Variants in LMF1 observed in about 807,000 individuals in gnomAD.
The protein encoded by LMF1 is transmembrane protein 112.
In LMF1, 68 loss-of-function variants were observed where a neutral mutation model predicts 60.6. That is an observed-to-expected ratio of 1.12 (90% CI 0.92 to 1.37). The LOEUF is 1.37. Ranked by LOEUF, LMF1 falls within the 40% of genes most tolerant of loss-of-function variation. The probability of loss-of-function intolerance (pLI) is 0.00; values close to 1 mark genes in which losing one functional copy is unlikely to be tolerated. For missense variants in LMF1, 948 were observed against 767.2 expected, an observed-to-expected ratio of 1.24 and a Z score of -2.78; for synonymous variants, 418 against 324.7, an observed-to-expected ratio of 1.29 and a Z score of -3.09.
At chr16:931,616 C>G in intron 3 of LMF1, 3 of 1,283,868 alleles carry the variant, frequency 2.3e-6, no homozygotes, top group Non-Finnish European at 3.0e-6. Flanking sequence ...TCTAGGTGTT[C>G]TGAGGCCCAG....
At chr16:921,820 C>T (rs892014567) in intron 3 of LMF1, among the ~76,000 whole-genome samples, 2 of 152,106 alleles carry the variant, frequency 1.3e-5, no homozygotes, top group Admixed American at 6.5e-5. Flanking sequence ...AGGCGGTCCC[C>T]GTGCGGGTTT....
intron 4 of LMF1, among the ~76,000 whole-genome samples, chr16:894,788 C>T (rs962086543): frequency 2.6e-5 from 4 of 152,240 alleles, no homozygotes; most frequent in African/African-American, 4.8e-5. Flanking sequence ...CGCCTCCCAT[C>T]AGCGAGTGCT....
At chr16:920,679 C>T (rs570467912) in intron 3 of LMF1, among the ~76,000 whole-genome samples, 1 of 152,284 alleles carries the variant, frequency 6.6e-6, no homozygotes, top group East Asian at 1.9e-4. Flanking sequence ...TGGGGCAACC[C>T]CCCCAAATAT....
intron 10 of LMF1, among the ~76,000 whole-genome samples, 169 bp downstream of exon 10, chr16:868,775 G>GC (rs1480978735): frequency 6.8e-6 from 1 of 146,284 alleles, no homozygotes; most frequent in African/African-American, 2.6e-5. Context: ...CTGATGTGGG[G>GC]CGGGGGGGGG....
At chr16:952,797 CTACA>C (rs1458266662) in intron 2 of LMF1, among the ~76,000 whole-genome samples, 4 of 150,096 alleles carry the variant, frequency 2.7e-5, no homozygotes. Flanking sequence ...AACCAGCCTC[CTACA>C]TGTCCACACA....
At chr16:871,636 G>A (rs1429451984) in intron 6 of LMF1, 11 of 386,022 alleles carry the variant, frequency 2.8e-5, no homozygotes, top group Non-Finnish European at 4.3e-5. Flanking sequence ...GGCTGGACCA[G>A]ACCACCAGAC....
upstream of LMF1, among the ~76,000 whole-genome samples, chr16:973,532 C>G (rs557548698): frequency 2.0e-5 from 3 of 152,232 alleles, no homozygotes; most frequent in South Asian, 6.2e-4. Context: ...TGGTCCAGGT[C>G]TGGGGACGGG....
Position 874,874 on chromosome 16 carries a change from G to C in LMF1, c.898-3533C>G, listed in dbSNP as rs903751448. Among the ~76,000 whole-genome samples, 1 of 152,086 alleles carries C rather than the reference G, an allele frequency of 6.6e-6. No homozygotes were observed. Among genetic ancestry groups the C allele is most frequent in the Non-Finnish European group, 1.5e-5 (1 of 68,000 alleles). On this transcript the variant is annotated intron_variant, in intron 6 of 10. Transcript: ENST00000262301. The surrounding 1 kb of genome is among the most constrained non-coding windows in gnomAD (Gnocchi z 4.1). Reference sequence around the variant, plus strand: ...GACACTACAATGTTAGAGGGCGCGGGTCACTCTCAGCCCCACACCATATCA... The same window carrying C: ...GACACTACAATGTTAGAGGGCGCGGCTCACTCTCAGCCCCACACCATATCA...
chr16:911,407 C>T (rs576539963), intron 3 of LMF1, among the ~76,000 whole-genome samples: 2 of 152,258 alleles, frequency 1.3e-5, no homozygotes, highest in Non-Finnish European at 2.9e-5. Context: ...AGAATGCGCC[C>T]TGCACACATG....
At chr16:965,285 G>C (rs1331179800) in intron 1 of LMF1, among the ~76,000 whole-genome samples, 1 of 152,210 alleles carries the variant, frequency 6.6e-6, no homozygotes, top group Non-Finnish European at 1.5e-5. Flanking sequence ...AGACAGGAGA[G>C]TGGCCCCCAC....
rs769229946 is a variant in LMF1 at position 863,196 on chromosome 16, TGTG to T, written c.1529+5745_1529+5747del. Among the ~76,000 whole-genome samples the T allele has an allele frequency of 3.3e-5, 5 of 152,314 alleles. No individual in the cohort carries two copies. The South Asian group carries it at 1.0e-3, about 32-fold the overall frequency. On this transcript the variant is annotated intron_variant, in intron 10 of 10. Transcript: ENST00000262301. ...TCTTTTTCGTTTCGAGACAGAATCT[TGTG>T]GTGTCGCCCAGGCTGGAGTGCAGTG...
intron 2 of LMF1, among the ~76,000 whole-genome samples, chr16:945,007 AG>A (rs1459926999): frequency 3.3e-5 from 5 of 151,680 alleles, no homozygotes; most frequent in Non-Finnish European, 5.9e-5. Context: ...GGAGGTCAGG[AG>A]TTCGAGACCA....
In LMF1 at chr16:854,109, C is replaced by T. The variant is rs776277431; in HGVS notation, c.*423G>A. 1 of 460,494 alleles carries T rather than the reference C, an allele frequency of 2.2e-6. No homozygotes were observed. The highest frequency in any genetic ancestry group is 1.6e-5 in the South Asian group (1 of 64,508). 28.5% of individuals were successfully genotyped at this position (460,494 alleles called of 1,614,324 possible). A position where few individuals can be genotyped will look rare whatever the true frequency, so the allele number is the denominator to read the frequency against. ...GGGTCAGGACCTGGCTGGGAACACA[C>T]CATTGAAGAGGGAACAGAAACCAGG... On this transcript the variant is annotated 3_prime_UTR_variant, in exon 11 of 11. Coordinates refer to ENST00000262301, the MANE Select transcript of LMF1 (RefSeq NM_022773.4).
intron 4 of LMF1, among the ~76,000 whole-genome samples, chr16:895,306 C>T (rs1360693810): frequency 6.6e-6 from 1 of 152,234 alleles, no homozygotes; most frequent in Admixed American, 6.5e-5. Context: ...GAATCCTCCT[C>T]CCCAGGTCAG....
At chr16:861,182 G>A (rs2069453460) in intron 10 of LMF1, among the ~76,000 whole-genome samples, 1 of 152,034 alleles carries the variant, frequency 6.6e-6, no homozygotes, top group Non-Finnish European at 1.5e-5. Context: ...TTCTGTGCAT[G>A]TTTTGTCAGG....
In LMF1 at chr16:938,290, G is replaced by A. The variant is rs900018213; in HGVS notation, c.504-4036C>T. On this transcript the variant is annotated intron_variant, in intron 2 of 10. Coordinates refer to ENST00000262301, the MANE Select transcript of LMF1 (RefSeq NM_022773.4). ...GGCTTGTGGGGACGGCAGGGATGGG[G>A]CTGGACAGTGGCTTGCAGGGACAGG... is the stretch of plus-strand genomic sequence containing the variant. Among the ~76,000 whole-genome samples the A allele has an allele frequency of 2.0e-5, 3 of 152,174 alleles. No homozygotes were observed. In the South Asian group the frequency reaches 6.2e-4, roughly 32 times the overall value.
In LMF1 at chr16:857,201, CTG is replaced by C. The variant is rs573265900; in HGVS notation, c.1530-2497_1530-2496del. Among the ~76,000 whole-genome samples, 159 of 152,366 alleles carry C rather than the reference CTG, an allele frequency of 1.0e-3. 2 individuals are homozygous for C. Among genetic ancestry groups the C allele is most frequent in the African/African-American group, 3.8e-3 (156 of 41,588 alleles). ...CAGCTGAGCTCTTTGCAGTTTTTGT[CTG>C]TGACGGCTGCCGTAAACCTCTGCAC... On this transcript the variant is annotated intron_variant, in intron 10 of 10. Coordinates refer to ENST00000262301, the MANE Select transcript of LMF1 (RefSeq NM_022773.4).
chr16:854,852 TAGACCCCCAGC>T, intron 10 of LMF1, 146 bp from the exon 11 acceptor site: 1 of 756,574 alleles, frequency 1.3e-6, no homozygotes, highest in Non-Finnish European at 2.3e-6. Context: ...TGAGCACAGG[TAGACCCCCAGC>T]AGACCCCGGG....
upstream of LMF1, among the ~76,000 whole-genome samples, chr16:971,796 G>A (rs1210846725): frequency 6.6e-6 from 1 of 152,228 alleles, no homozygotes; most frequent in East Asian, 1.9e-4. Flanking sequence ...GCTAGAGTAG[G>A]CATTGGAGAC....
Sources: gnomAD v4.1 joint callset for allele counts (sites outside exome capture counted in the v4.1 genomes callset) on GRCh38, gnomAD v4.1.1 for gene constraint, Gnocchi (gnomAD v3.1) non-coding constraint, MANE v1.5 for transcripts, NCBI Gene and HGNC (gene_info 2026-07-23, HGNC 2026-07-21) for gene names.